CLSTN2: variants seen among roughly 807,000 people sequenced by gnomAD.
CLSTN2 encodes the protein calsyntenin 2.
Under a neutral mutation model 101.2 loss-of-function variants are expected in CLSTN2, and 48 were observed. That is an observed-to-expected ratio of 0.47 (90% CI 0.38 to 0.60). The LOEUF (loss-of-function observed/expected upper bound fraction) is 0.60, where lower values mean the gene tolerates loss of function less well. Among genes scored for constraint, CLSTN2 ranks in the 20% least tolerant of loss-of-function variants. The probability of loss-of-function intolerance (pLI) is 0.00; values close to 1 mark genes in which losing one functional copy is unlikely to be tolerated. For synonymous variants in CLSTN2, 481 were observed against 463.6 expected (o/e 1.04, Z -0.48); for missense variants, 1,160 against 1,238.2 (o/e 0.94, Z 0.95).
At chr3:140,429,574 C>T (rs976991869) in intron 5 of CLSTN2, among the ~76,000 whole-genome samples, 30 of 152,092 alleles carry the variant, frequency 2.0e-4, no homozygotes, top group Non-Finnish European at 3.5e-4. Flanking sequence ...CATATATCAT[C>T]CTGAGGACAG....
chr3:140,195,653 A>T (rs1017890769), intron 2 of CLSTN2, among the ~76,000 whole-genome samples: 2 of 152,224 alleles, frequency 1.3e-5, no homozygotes, highest in Non-Finnish European at 2.9e-5. Flanking sequence ...GAATTTCCAA[A>T]TGTATATTAA....
At chr3:140,333,482 C>T (rs2087408184) in intron 2 of CLSTN2, among the ~76,000 whole-genome samples, 1 of 152,124 alleles carries the variant, frequency 6.6e-6, no homozygotes, top group Admixed American at 6.5e-5. Flanking sequence ...CTTATCACAT[C>T]ATGTAAGCTT....
At chr3:140,337,556 A>G (rs2087455508) in intron 2 of CLSTN2, among the ~76,000 whole-genome samples, 2 of 152,218 alleles carry the variant, frequency 1.3e-5, no homozygotes, top group Admixed American at 1.3e-4. Context: ...CCAGGGAGTT[A>G]GGATTTCTTT....
At chr3:140,559,546 T>A (rs905976838) in intron 12 of CLSTN2, among the ~76,000 whole-genome samples, 3 of 9,448 alleles carry the variant, frequency 3.2e-4, no homozygotes, top group Non-Finnish European at 7.8e-4. Context: ...TAGTATATGC[T>A]GGTGGCGGGG....
intron 2 of CLSTN2, among the ~76,000 whole-genome samples, chr3:140,188,784 C>T (rs370348717): frequency 2.0e-5 from 3 of 152,178 alleles, no homozygotes; most frequent in East Asian, 3.9e-4. Flanking sequence ...TATGTGTATA[C>T]CTTACTCAGT....
At chr3:140,480,647 G>T (rs1318209582) in intron 8 of CLSTN2, among the ~76,000 whole-genome samples, 3 of 152,166 alleles carry the variant, frequency 2.0e-5, no homozygotes, top group Admixed American at 2.0e-4. Flanking sequence ...TCTCACTGGT[G>T]TGAGATGGTA....
chr3:140,130,608 C>T (rs1319670288), intron 1 of CLSTN2, among the ~76,000 whole-genome samples: 1 of 152,118 alleles, frequency 6.6e-6, no homozygotes, highest in South Asian at 2.1e-4. Context: ...GGCTCACATT[C>T]TTCTAATGGC....
chr3:140,063,929 G>A (rs1448958066), intron 1 of CLSTN2, among the ~76,000 whole-genome samples: 1 of 152,174 alleles, frequency 6.6e-6, no homozygotes, highest in Non-Finnish European at 1.5e-5. Flanking sequence ...GTCTAACAGT[G>A]ACCCCTGGGT....
intron 2 of CLSTN2, among the ~76,000 whole-genome samples, chr3:140,219,067 G>A (rs1024620844): frequency 1.1e-4 from 16 of 151,966 alleles, no homozygotes; most frequent in South Asian, 2.1e-4. Context: ...CTCCATCCAC[G>A]CCCTGGTCCA....
At chr3:140,552,534 C>T (rs1935722615) in intron 10 of CLSTN2, among the ~76,000 whole-genome samples, 2 of 152,022 alleles carry the variant, frequency 1.3e-5, no homozygotes, top group South Asian at 4.2e-4. Context: ...GTGGCACAGA[C>T]CAGGGTATTA....
At chr3:140,207,376 A>G (rs910606562) in intron 2 of CLSTN2, among the ~76,000 whole-genome samples, 9 of 152,034 alleles carry the variant, frequency 5.9e-5, no homozygotes, top group South Asian at 2.1e-4. Flanking sequence ...TTACCATTAT[A>G]TTTTCTGTCT....
intron 2 of CLSTN2, among the ~76,000 whole-genome samples, chr3:140,313,685 G>T (rs900981636): frequency 6.6e-6 from 1 of 152,190 alleles, no homozygotes; most frequent in Non-Finnish European, 1.5e-5. Context: ...ATCTATACCA[G>T]CTACTGAGAG....
At chr3:140,220,360 G>A (rs1466024414) in intron 2 of CLSTN2, among the ~76,000 whole-genome samples, 1 of 152,206 alleles carries the variant, frequency 6.6e-6, no homozygotes, top group African/African-American at 2.4e-5. Flanking sequence ...GAGAGTGCAA[G>A]TTCCAAGGAT....
rs552886470 is a variant in CLSTN2 at position 140,079,753 on chromosome 3, AAAAAAAAAGAAAG to A, written c.110-96181_110-96169del. Among the ~76,000 whole-genome samples, 796 of 151,452 alleles carry A rather than the reference AAAAAAAAAGAAAG, an allele frequency of 5.3e-3. 4 individuals are homozygous for A. The highest frequency in any genetic ancestry group is 0.021 in the Middle Eastern group (6 of 292). On this transcript the variant is annotated intron_variant, in intron 1 of 16. Coordinates refer to ENST00000458420, the MANE Select transcript of CLSTN2 (RefSeq NM_022131.3). ...ACAACAGAGTGAGACTATGTCTCAA[AAAAAAAAAGAAAG>A]AAAAAAAAGAAAGAAACTAGGGTGG... is the stretch of plus-strand genomic sequence containing the variant.
chr3:140,303,607 T>C (rs1377214923), intron 2 of CLSTN2, among the ~76,000 whole-genome samples: 1 of 152,142 alleles, frequency 6.6e-6, no homozygotes, highest in African/African-American at 2.4e-5. Context: ...TATATCCAAC[T>C]GAAGGTCACT....
At chr3:140,377,169 G>A (rs2087926518) in intron 2 of CLSTN2, among the ~76,000 whole-genome samples, 1 of 152,166 alleles carries the variant, frequency 6.6e-6, no homozygotes, top group South Asian at 2.1e-4. Context: ...CATAGCCATT[G>A]TAGCTCATAT....
intron 1 of CLSTN2, among the ~76,000 whole-genome samples, chr3:140,146,923 C>CT (rs2009789107): frequency 1.3e-5 from 2 of 152,200 alleles, no homozygotes; most frequent in Non-Finnish European, 2.9e-5. Flanking sequence ...TATTTAGTAT[C>CT]TATTCAGCAC....
intron 8 of CLSTN2, among the ~76,000 whole-genome samples, chr3:140,497,575 G>A (rs746991387): frequency 1.3e-5 from 2 of 152,184 alleles, no homozygotes; most frequent in Non-Finnish European, 2.9e-5. Context: ...TGCCCCTGCT[G>A]GCTGGAATTC....
intron 8 of CLSTN2, among the ~76,000 whole-genome samples, chr3:140,500,106 T>C (rs1438198622): frequency 6.6e-6 from 1 of 151,978 alleles, no homozygotes; most frequent in Non-Finnish European, 1.5e-5. Flanking sequence ...TAGGAAAGAT[T>C]GGAAATTAGG....
Sources: allele counts gnomAD v4.1 joint callset (sites outside exome capture counted in the v4.1 genomes callset), GRCh38; gene constraint gnomAD v4.1.1; transcripts MANE v1.5; gene names NCBI Gene and HGNC (gene_info 2026-07-23, HGNC 2026-07-21).